The following NDST1 variants were observed in gnomAD, a reference collection of about 807,000 sequenced individuals.
The protein encoded by NDST1 is bifunctional heparan sulfate N-deacetylase/N-sulfotransferase 1.
NDST1 carries 35 observed loss-of-function variants against 92.8 expected under a neutral mutation model. That is an observed-to-expected ratio of 0.38 (90% CI 0.29 to 0.50). The LOEUF (loss-of-function observed/expected upper bound fraction) is 0.50, where lower values mean the gene tolerates loss of function less well. Ranked by LOEUF, NDST1 falls within the 20% of genes least tolerant of loss-of-function variation. The pLI, the probability that NDST1 is intolerant of heterozygous loss-of-function variation, is 0.94. For missense variants in NDST1, 822 were observed against 1,182.7 expected (o/e 0.69, Z 4.47); for synonymous variants, 493 against 500.3 (o/e 0.99, Z 0.19).
chr5:150,551,527 CTCAGAA>C (rs1303229715), intron 13 of NDST1, among the ~76,000 whole-genome samples: 1 of 152,328 alleles, frequency 6.6e-6, no homozygotes, highest in Non-Finnish European at 1.5e-5. Context: ...GGAGAGAAGA[CTCAGAA>C]TGTGCGAGCT....
At chr5:150,513,161 C>T (rs57935598) in intron 1 of NDST1, among the ~76,000 whole-genome samples, 4,271 of 152,130 alleles carry the variant, frequency 0.028, 207 homozygotes, top group African/African-American at 0.098. Context: ...TGCCCCTGCA[C>T]TCCAGCCTGG....
intron 1 of NDST1, among the ~76,000 whole-genome samples, chr5:150,499,775 C>G (rs1276000707): frequency 2.0e-5 from 3 of 152,314 alleles, no homozygotes; most frequent in East Asian, 1.9e-4. Flanking sequence ...AGGGCGGGCC[C>G]CACCCTGCAG....
At chr5:150,506,699 C>T (rs189914236), upstream of NDST1, among the ~76,000 whole-genome samples, 340 of 152,120 alleles carry the variant, frequency 2.2e-3, no homozygotes, top group African/African-American at 7.8e-3. Flanking sequence ...CCACCTTCTG[C>T]CCCCTCCCCC....
intron 13 of NDST1, 148 bp downstream of exon 13, chr5:150,549,935 A>G: frequency 2.9e-6 from 2 of 689,418 alleles, no homozygotes; most frequent in Non-Finnish European, 5.3e-6. Context: ...AGTCATATTA[A>G]TAAAGGTATC....
intron 1 of NDST1, among the ~76,000 whole-genome samples, chr5:150,520,563 C>A (rs149606299): frequency 1.2e-4 from 18 of 152,250 alleles, no homozygotes; most frequent in Non-Finnish European, 2.5e-4. Flanking sequence ...TGATAATGAT[C>A]AAAAATAGCA....
chr5:150,520,407 G>A (rs978548950), intron 1 of NDST1, among the ~76,000 whole-genome samples: 3 of 151,984 alleles, frequency 2.0e-5, no homozygotes, highest in Admixed American at 6.6e-5. Flanking sequence ...AGAGAGCAAC[G>A]GGTTAGGAAG....
At chr5:150,499,038 C>T (rs909263599) in intron 1 of NDST1, among the ~76,000 whole-genome samples, 1 of 152,250 alleles carries the variant, frequency 6.6e-6, no homozygotes, top group Non-Finnish European at 1.5e-5. Context: ...TGCAGCCCAG[C>T]ACCAATGCCT....
chr5:150,521,811 G>C lies in NDST1; in HGVS notation c.513+44G>C, dbSNP rs10075355. 0.36 allele frequency: 572,828 copies of C among 1,606,166 alleles called. 103,808 individuals carry two copies. The highest frequency in any genetic ancestry group is 0.43 in the Admixed American group (25,842 of 59,988). ...CCCCGAGCAGTTCAGAGCCCCCTCT[G>C]CAGCTCAGTGCCTGAATTCTCATTT... On this transcript the variant is annotated intron_variant, in intron 2 of 14. Coordinates refer to ENST00000261797, the MANE Select transcript of NDST1 (RefSeq NM_001543.5). This position sits in a 1 kb window ranked among gnomAD's most constrained non-coding sequence, Gnocchi z 5.9.
At position 150,521,720 on chromosome 5, in the gene NDST1, G is replaced by T; in HGVS notation, c.466G>T (p.Asp156Tyr). The change falls in exon 2 of 15, where the codon GAC (aspartate) becomes TAC (tyrosine). Residue 156 changes from aspartate to tyrosine, a missense_variant. Coordinates refer to ENST00000261797, the MANE Select transcript of NDST1 (RefSeq NM_001543.5). The surrounding 1 kb of genome is among the most constrained non-coding windows in gnomAD (Gnocchi z 5.9). ...NLDAWNRELL[D>Y]KYCVAYGVGI... The stretch of plus-strand genomic sequence containing the variant: ...GGACGCCTGGAACCGGGAGCTGCTG[G>T]ACAAGTACTGTGTGGCCTACGGCGT... The T allele has an allele frequency of 1.9e-6, 3 of 1,614,010 alleles. No individual in the cohort carries two copies. The highest frequency in any genetic ancestry group is 2.5e-6 in the Non-Finnish European group (3 of 1,180,034).
At position 150,548,205 on chromosome 5, in the gene NDST1, T is replaced by A. The variant is rs779721651; in HGVS notation, c.2146-13T>A. The A allele has an allele frequency of 3.3e-5, 53 of 1,613,948 alleles. No homozygotes were observed. The highest frequency in any genetic ancestry group is 1.6e-4 in the Middle Eastern group (1 of 6,084). On this transcript the variant is annotated splice_polypyrimidine_tract_variant and intron_variant, in intron 11 of 14. Coordinates refer to ENST00000261797, the MANE Select transcript of NDST1 (RefSeq NM_001543.5). ...CTCCAAGTGGCATGCTGACCCTCTTTCCTTGCCTGCAGCACCAGCGAGCCC... is the reference window on the plus strand; with the variant it reads ...CTCCAAGTGGCATGCTGACCCTCTTACCTTGCCTGCAGCACCAGCGAGCCC...
intron 3 of NDST1, among the ~76,000 whole-genome samples, chr5:150,530,859 C>T (rs557248392): frequency 2.6e-5 from 4 of 151,982 alleles, no homozygotes; most frequent in South Asian, 4.1e-4. Flanking sequence ...CGCACCTGGC[C>T]CTATTTTTTC....
chr5:150,549,726 A>G lies in NDST1; in HGVS notation c.2365A>G (p.Met789Val). 2 of 1,614,112 alleles carry G rather than the reference A, an allele frequency of 1.2e-6. No individual in the cohort carries two copies. Among genetic ancestry groups the G allele is most frequent in the African/African-American group, 1.3e-5 (1 of 75,018 alleles). ...KLLRTEPAKV[M>V]DMVQKFLGVT... is the part of the protein sequence containing the mutation. ...GCTTCGCACAGAACCTGCCAAAGTG[A>G]TGGACATGGTGCAGAAGTTCCTTGG... The change falls in exon 13 of 15, where the codon ATG becomes GTG. Residue 789 changes from methionine to valine, a missense_variant. Coordinates refer to ENST00000261797, the MANE Select transcript of NDST1 (RefSeq NM_001543.5).
rs1389188589 is a variant in NDST1 at position 150,557,619 on chromosome 5, A to G, written c.*4287A>G. On this transcript the variant is annotated 3_prime_UTR_variant, in exon 15 of 15. Transcript: ENST00000261797. This position sits in a 1 kb window ranked among gnomAD's most constrained non-coding sequence, Gnocchi z 4.7. Reference sequence around the variant, plus strand: ...CCACAGCAGGGATTTTCACACATCAAAGGAGGCAGCCTCTGCTCTAGTTGA... The same window carrying G: ...CCACAGCAGGGATTTTCACACATCAGAGGAGGCAGCCTCTGCTCTAGTTGA... 1 of 152,226 alleles carries G rather than the reference A, an allele frequency of 6.6e-6. No homozygotes were observed. The highest frequency in any genetic ancestry group is 2.4e-5 in the African/African-American group (1 of 41,444). The allele number at this position is 152,226 out of a possible 1,614,324, so 9.4% of individuals were successfully genotyped here. A position where few individuals can be genotyped will look rare whatever the true frequency, so the allele number is the denominator to read the frequency against.
chr5:150,506,555 G>A (rs745624915), upstream of NDST1, among the ~76,000 whole-genome samples: 19 of 152,096 alleles, frequency 1.2e-4, no homozygotes, highest in Non-Finnish European at 2.5e-4. Context: ...TTAGAGTCTC[G>A]CTGAGGCCTC....
At chr5:150,518,156 G>A (rs1754068881) in intron 1 of NDST1, among the ~76,000 whole-genome samples, 1 of 152,050 alleles carries the variant, frequency 6.6e-6, no homozygotes, top group South Asian at 2.1e-4. Flanking sequence ...TGTGGTATGT[G>A]CCATTTCCTC....
chr5:150,542,836 C>T lies in NDST1; in HGVS notation c.1847-12C>T. On this transcript the variant is annotated splice_polypyrimidine_tract_variant and intron_variant, in intron 9 of 14. Coordinates refer to ENST00000261797, the MANE Select transcript of NDST1 (RefSeq NM_001543.5). ...CTGGGCCCTGGGTCTCAGGTGTCTACCCTCCCCACAGGCACCACTGCCCTC... is the reference window on the plus strand; with the variant it reads ...CTGGGCCCTGGGTCTCAGGTGTCTATCCTCCCCACAGGCACCACTGCCCTC... The T allele has an allele frequency of 6.2e-7, 1 of 1,614,052 alleles. No individual in the cohort carries two copies. The highest frequency in any genetic ancestry group is 1.1e-5 in the South Asian group (1 of 91,086).
chr5:150,535,323 T>G (rs1262782744), intron 5 of NDST1: 1 of 985,234 alleles, frequency 1.0e-6, no homozygotes, highest in Non-Finnish European at 1.2e-6. Context: ...AAGGGGAGGC[T>G]CTGGAAAGCT....
chr5:150,531,848 G>T (rs1208424878), intron 3 of NDST1, among the ~76,000 whole-genome samples: 1 of 152,154 alleles, frequency 6.6e-6, no homozygotes, highest in African/African-American at 2.4e-5. Context: ...CCTAACCCCA[G>T]AGTACACCTG....
intron 5 of NDST1, chr5:150,535,378 T>C (rs1754936383): frequency 1.4e-5 from 14 of 985,228 alleles, no homozygotes; most frequent in Non-Finnish European, 1.4e-5. Context: ...AGGTGCTAGG[T>C]AGAATGAAGA....
Sources: gnomAD v4.1 joint callset for allele counts (sites outside exome capture counted in the v4.1 genomes callset) on GRCh38, gnomAD v4.1.1 for gene constraint, Gnocchi (gnomAD v3.1) non-coding constraint, MANE v1.5 for transcripts, NCBI Gene and HGNC (gene_info 2026-07-23, HGNC 2026-07-21) for gene names.